Variants in NUDT16L1 observed in about 807,000 individuals in gnomAD.
The protein encoded by NUDT16L1 is nudix hydrolase 16 like 1.
In NUDT16L1, 19 loss-of-function variants were observed where a neutral mutation model predicts 17.3. That is an observed-to-expected ratio of 1.10 (90% CI 0.77 to 1.61). The LOEUF (loss-of-function observed/expected upper bound fraction) is 1.61, where lower values mean the gene tolerates loss of function less well. Ranked by LOEUF, NUDT16L1 falls within the 40% of genes most tolerant of loss-of-function variation. The probability of loss-of-function intolerance (pLI) is 0.00; values close to 1 mark genes in which losing one functional copy is unlikely to be tolerated. For synonymous variants in NUDT16L1, 255 were observed against 138.6 expected (o/e 1.84, Z -5.90); for missense variants, 341 against 292.0 (o/e 1.17, Z -1.22).
chr16:4,694,999 C>T (rs747910169), exon 3 of NUDT16L1: 1 of 1,612,302 alleles, frequency 6.2e-7, no homozygotes, highest in South Asian at 1.1e-5. Flanking sequence ...CCCAGAAGGA[C>T]CGAGTCGGAG....
chr16:4,694,616 G>A, intron 2 of NUDT16L1: 1 of 1,426,706 alleles, frequency 7.0e-7, no homozygotes, highest in Non-Finnish European at 9.2e-7. Context: ...GGGCGTGAAG[G>A]CTCTTGGGAT....
exon 3 of NUDT16L1, chr16:4,695,085 A>G (rs762657943): frequency 8.7e-6 from 14 of 1,613,524 alleles, no homozygotes; most frequent in Non-Finnish European, 1.2e-5. Context: ...AAGGTGCTCA[A>G]CATGATGCCC....
upstream of NUDT16L1, chr16:4,693,564 C>T (rs956417476): frequency 2.7e-6 from 2 of 752,408 alleles, no homozygotes; most frequent in Non-Finnish European, 3.7e-6. Flanking sequence ...CACCTCTCGA[C>T]GACGCACCGC....
chr16:4,695,281 C>T lies in NUDT16L1; in HGVS notation c.*102C>T, dbSNP rs1213317679. The T allele has an allele frequency of 1.6e-5, 19 of 1,222,818 alleles. No homozygotes were observed. In the East Asian group the frequency reaches 3.7e-4, roughly 24 times the overall value. The allele number at this position is 1,222,818 out of a possible 1,614,324, so 75.7% of individuals were successfully genotyped here. ...TTGTGTGTACCCCGCTTCTGACTGC[C>T]TAGGGCGAGTGGGCATCCTGTCATC... On this transcript the variant is annotated 3_prime_UTR_variant, in exon 3 of 3. Coordinates refer to ENST00000304301, the Ensembl canonical transcript of NUDT16L1.
In NUDT16L1 at chr16:4,695,403, C is replaced by A. The variant is rs576900767; in HGVS notation, c.*224C>A. On this transcript the variant is annotated 3_prime_UTR_variant, in exon 3 of 3. Transcript: ENST00000304301. ...AGCAGGGTGGTCCGGGCACACTGGGCCTGCCTCTCCAGCCTCAGGATGCTC... is the reference window on the plus strand; with the variant it reads ...AGCAGGGTGGTCCGGGCACACTGGGACTGCCTCTCCAGCCTCAGGATGCTC... The A allele has an allele frequency of 6.7e-4, 403 of 597,728 alleles. No individual in the cohort carries two copies. In the African/African-American group the frequency reaches 6.8e-3, roughly 10 times the overall value. 37.0% of individuals were successfully genotyped at this position (597,728 alleles called of 1,614,324 possible).
exon 3 of NUDT16L1, chr16:4,695,127 C>T: frequency 6.2e-7 from 1 of 1,613,294 alleles, no homozygotes; most frequent in Non-Finnish European, 8.5e-7. Context: ...CTGGCTGCAG[C>T]CACCGAGAAG....
At chr16:4,694,828 G>A in intron 2 of NUDT16L1, 130 bp from the exon 3 acceptor site, 3 of 1,456,786 alleles carry the variant, frequency 2.1e-6, no homozygotes, top group South Asian at 1.4e-5. Flanking sequence ...CAGGCCCTGC[G>A]TGGGTCTCCC....
At chr16:4,694,981 G>A (rs905546597) in exon 3 of NUDT16L1, 14 of 1,610,896 alleles carry the variant, frequency 8.7e-6, no homozygotes, top group Middle Eastern at 1.6e-4. Context: ...TGCGGGTCCC[G>A]CTGTACACCC....
exon 3 of NUDT16L1, chr16:4,695,710 G>C (rs1385828923): frequency 1.2e-5 from 5 of 402,866 alleles, no homozygotes; most frequent in Non-Finnish European, 2.2e-5. Context: ...TTCACCACGT[G>C]TGAACTGTGG....
chr16:4,693,712 G>C (rs374655486), exon 1 of NUDT16L1: 8 of 1,488,604 alleles, frequency 5.4e-6, no homozygotes, highest in Admixed American at 4.6e-5. Flanking sequence ...CGGCGGGGAC[G>C]GGGTCAGTGC....
chr16:4,693,806 C>T (rs756561784), exon 1 of NUDT16L1: 10 of 1,571,932 alleles, frequency 6.4e-6, no homozygotes, highest in Non-Finnish European at 3.4e-6. Flanking sequence ...TGGAGCCACT[C>T]GTGCCACGCC....
At chr16:4,694,340 G>A in intron 2 of NUDT16L1, 102 bp downstream of exon 2, 1 of 1,487,878 alleles carries the variant, frequency 6.7e-7, no homozygotes, top group Non-Finnish European at 8.9e-7. Flanking sequence ...CCCTGGCCGG[G>A]CTGGGTCGGG....
At chr16:4,695,131 C>T (rs1241099360) in exon 3 of NUDT16L1, 3 of 1,613,112 alleles carry the variant, frequency 1.9e-6, no homozygotes, top group Admixed American at 1.7e-5. Context: ...CTGCAGCCAC[C>T]GAGAAGCAGA....
chr16:4,695,840 G>C, exon 3 of NUDT16L1: 1 of 344,614 alleles, frequency 2.9e-6, no homozygotes, highest in Non-Finnish European at 5.2e-6. Flanking sequence ...TCGCTCCGCA[G>C]CTGCTCTGTG....
chr16:4,693,754 A>G, exon 1 of NUDT16L1: 1 of 1,555,824 alleles, frequency 6.4e-7, no homozygotes, highest in Non-Finnish European at 8.7e-7. Flanking sequence ...TCCGGAGCTG[A>G]AGCAGATCAG....
chr16:4,695,361 C>G, exon 3 of NUDT16L1: 2 of 635,458 alleles, frequency 3.1e-6, no homozygotes, highest in Non-Finnish European at 5.5e-6. Flanking sequence ...TGGAACCCAG[C>G]CCATCCTCTC....
At chr16:4,694,920 G>A in intron 2 of NUDT16L1, 38 bp from the exon 3 acceptor site, 2 of 1,570,144 alleles carry the variant, frequency 1.3e-6, no homozygotes, top group Non-Finnish European at 1.7e-6. Context: ...CCATTGTGTG[G>A]CAGGCCTGGC....
chr16:4,693,839 G>A (rs1238229079), exon 1 of NUDT16L1: 2 of 1,563,076 alleles, frequency 1.3e-6, no homozygotes, highest in Admixed American at 1.8e-5. Context: ...GCCAACCCTG[G>A]GCAGCTCTTC....
At chr16:4,694,033 G>T in exon 2 of NUDT16L1, 1 of 1,583,440 alleles carries the variant, frequency 6.3e-7, no homozygotes. Flanking sequence ...GTGGACCGGC[G>T]CTTCTGGTCG....
Sources: allele counts gnomAD v4.1 joint callset, GRCh38; gene constraint gnomAD v4.1.1; transcripts MANE v1.5; gene names NCBI Gene and HGNC (gene_info 2026-07-23, HGNC 2026-07-21).